The following GMDS variants were observed in gnomAD, a reference collection of about 807,000 sequenced individuals.
GMDS encodes the protein GDP-mannose 4,6 dehydratase.
In GMDS, 20 loss-of-function variants were observed where a neutral mutation model predicts 49.9. The observed-to-expected ratio is 0.40, with a 90% CI of 0.28 to 0.58. GMDS has a LOEUF of 0.58. Among genes scored for constraint, GMDS ranks in the 20% least tolerant of loss-of-function variants. The pLI is 0.42. For missense variants in GMDS, 362 were observed against 481.4 expected (o/e 0.75, Z 2.32); for synonymous variants, 177 against 178.6 (o/e 0.99, Z 0.07).
At chr6:1,714,016 CA>C (rs777517510) in intron 9 of GMDS, among the ~76,000 whole-genome samples, 4 of 152,204 alleles carry the variant, frequency 2.6e-5, no homozygotes, top group Admixed American at 6.5e-5. Context: ...ATAAGCCCAA[CA>C]CTTTTTCAGA....
chr6:2,223,042 C>T (rs975794944), intron 1 of GMDS, among the ~76,000 whole-genome samples: 11 of 152,052 alleles, frequency 7.2e-5, no homozygotes, highest in Non-Finnish European at 1.6e-4. Context: ...AGCTTGCCAG[C>T]CAGCCCTGCA....
intron 2 of GMDS, 22 bp downstream of exon 2, chr6:2,124,665 C>G: frequency 6.2e-7 from 1 of 1,605,554 alleles, no homozygotes; most frequent in Non-Finnish European, 8.5e-7. Context: ...AGCCTGCGCC[C>G]GCTTCCCATT....
At chr6:1,905,403 A>G (rs1438578289) in intron 7 of GMDS, among the ~76,000 whole-genome samples, 53 of 105,838 alleles carry the variant, frequency 5.0e-4, no homozygotes, top group African/African-American at 6.7e-4. Flanking sequence ...TGTAGGTGGG[A>G]CCTCAAAGGT....
At chr6:1,977,245 CA>C (rs1434397663) in intron 4 of GMDS, among the ~76,000 whole-genome samples, 1 of 152,194 alleles carries the variant, frequency 6.6e-6, no homozygotes, top group African/African-American at 2.4e-5. Context: ...AAGAAATTGA[CA>C]TAGAAAGTTA....
At chr6:1,658,213 G>A (rs1377923232) in intron 9 of GMDS, among the ~76,000 whole-genome samples, 1 of 152,210 alleles carries the variant, frequency 6.6e-6, no homozygotes, top group Admixed American at 6.5e-5. Context: ...GGTGTCCACA[G>A]CATGATCTCT....
At chr6:1,675,746 G>A (rs1346312522) in intron 9 of GMDS, among the ~76,000 whole-genome samples, 2 of 151,890 alleles carry the variant, frequency 1.3e-5, no homozygotes, top group East Asian at 1.9e-4. Flanking sequence ...CCAGCTACTC[G>A]GGAAGCTGAG....
chr6:2,026,997 C>T (rs1357056015), intron 4 of GMDS, among the ~76,000 whole-genome samples: 2 of 152,068 alleles, frequency 1.3e-5, no homozygotes, highest in Non-Finnish European at 2.9e-5. Flanking sequence ...ACCAAAAAAT[C>T]CCCCAGAAAT....
At chr6:2,226,691 C>T (rs547435355) in intron 1 of GMDS, among the ~76,000 whole-genome samples, 1 of 152,282 alleles carries the variant, frequency 6.6e-6, no homozygotes, top group African/African-American at 2.4e-5. Flanking sequence ...CTAGCATTTA[C>T]TCTCCTAAAT....
intron 7 of GMDS, among the ~76,000 whole-genome samples, chr6:1,914,131 G>GTT (rs563808537): frequency 0.055 from 4,275 of 77,626 alleles, 687 homozygotes; most frequent in East Asian, 0.16. Flanking sequence ...TTTTTTGTTT[G>GTT]TTTTTTTTTT....
intron 7 of GMDS, among the ~76,000 whole-genome samples, chr6:1,924,794 G>A (rs1287413827): frequency 6.6e-6 from 1 of 152,194 alleles, no homozygotes; most frequent in East Asian, 1.9e-4. Flanking sequence ...TGCCACTAGA[G>A]TGTTCTCGTG....
intron 7 of GMDS, among the ~76,000 whole-genome samples, chr6:1,878,761 T>C (rs910884723): frequency 6.6e-6 from 1 of 152,184 alleles, no homozygotes; most frequent in African/African-American, 2.4e-5. Flanking sequence ...AGTAAGTGAT[T>C]GGATATACAG....
At chr6:1,857,338 G>A (rs540844407) in intron 7 of GMDS, among the ~76,000 whole-genome samples, 2 of 152,218 alleles carry the variant, frequency 1.3e-5, no homozygotes, top group Non-Finnish European at 2.9e-5. Flanking sequence ...TTACCTGGGT[G>A]ACAGCTTCCA....
At chr6:2,030,035 G>A (rs1768853131) in intron 4 of GMDS, among the ~76,000 whole-genome samples, 1 of 152,002 alleles carries the variant, frequency 6.6e-6, no homozygotes, top group Non-Finnish European at 1.5e-5. Flanking sequence ...GTGATATGAA[G>A]ACAGTCCAGA....
At chr6:1,824,695 G>C (rs921162180) in intron 7 of GMDS, among the ~76,000 whole-genome samples, 3 of 152,124 alleles carry the variant, frequency 2.0e-5, no homozygotes, top group Non-Finnish European at 4.4e-5. Flanking sequence ...TCCACACCTA[G>C]GGCCTCCTTT....
intron 9 of GMDS, among the ~76,000 whole-genome samples, chr6:1,670,237 G>C (rs1179123308): frequency 6.6e-6 from 1 of 152,174 alleles, no homozygotes; most frequent in Admixed American, 6.5e-5. Context: ...GGTGTGAAAT[G>C]ACTGTAATGA....
chr6:1,791,923 A>T (rs1769558984), intron 7 of GMDS, among the ~76,000 whole-genome samples: 1 of 152,062 alleles, frequency 6.6e-6, no homozygotes, highest in Non-Finnish European at 1.5e-5. Context: ...TGCTCCTCCC[A>T]CCTTGCCAGA....
At chr6:2,175,462 G>A (rs1778233063) in intron 1 of GMDS, among the ~76,000 whole-genome samples, 1 of 152,198 alleles carries the variant, frequency 6.6e-6, no homozygotes, top group Non-Finnish European at 1.5e-5. Flanking sequence ...AAGCAAAAGA[G>A]ACATCAGACC....
chr6:2,140,744 A>G (rs560671638), intron 1 of GMDS, among the ~76,000 whole-genome samples: 1 of 152,372 alleles, frequency 6.6e-6, no homozygotes, highest in South Asian at 2.1e-4. Context: ...CTTTATTCAA[A>G]CAATGCAAAA....
intron 4 of GMDS, among the ~76,000 whole-genome samples, chr6:1,971,374 T>C (rs1403736490): frequency 6.6e-6 from 1 of 152,188 alleles, no homozygotes; most frequent in Admixed American, 6.5e-5. Flanking sequence ...TTTTTCCTTA[T>C]TCTGTTGCAA....
Sources: gnomAD v4.1 joint callset for allele counts (sites outside exome capture counted in the v4.1 genomes callset) on GRCh38, gnomAD v4.1.1 for gene constraint, MANE v1.5 for transcripts, NCBI Gene and HGNC (gene_info 2026-07-23, HGNC 2026-07-21) for gene names.